The following TMEM132D variants were observed in gnomAD, a reference collection of about 807,000 sequenced individuals.
TMEM132D encodes mature OL transmembrane protein.
Under a neutral mutation model 62.3 loss-of-function variants are expected in TMEM132D, and 21 were observed. The observed-to-expected ratio is 0.34, with a 90% CI of 0.24 to 0.49. TMEM132D has a LOEUF of 0.49. TMEM132D is among the 20% of genes least tolerant of loss of function. The pLI is 0.99. For synonymous variants in TMEM132D, 621 were observed against 575.6 expected (o/e 1.08, Z -1.13); for missense variants, 1,346 against 1,402.8 (o/e 0.96, Z 0.65).
At chr12:129,825,694 G>T (rs946324653) in intron 1 of TMEM132D, among the ~76,000 whole-genome samples, 1 of 152,138 alleles carries the variant, frequency 6.6e-6, no homozygotes, top group Non-Finnish European at 1.5e-5. Flanking sequence ...GTATGGGGTG[G>T]ACTGTGCCCT....
chr12:129,692,723 T>G (rs184728727), intron 2 of TMEM132D, among the ~76,000 whole-genome samples: 33 of 152,238 alleles, frequency 2.2e-4, no homozygotes, highest in Non-Finnish European at 4.1e-4. Flanking sequence ...TGGAAGCCAT[T>G]ATCCTTAGCA....
intron 1 of TMEM132D, among the ~76,000 whole-genome samples, chr12:129,780,109 G>A (rs1029383767): frequency 1.3e-5 from 2 of 152,126 alleles, no homozygotes; most frequent in African/African-American, 2.4e-5. Context: ...ACACCCACCC[G>A]CAAAGGGGCA....
At chr12:129,693,592 G>GC (rs367612308) in intron 2 of TMEM132D, among the ~76,000 whole-genome samples, 1 of 152,108 alleles carries the variant, frequency 6.6e-6, no homozygotes, top group African/African-American at 2.4e-5. Flanking sequence ...GGGATAGGTG[G>GC]CCGAGGAAAC....
intron 1 of TMEM132D, among the ~76,000 whole-genome samples, chr12:129,800,366 C>T (rs975178455): frequency 6.8e-6 from 1 of 147,828 alleles, no homozygotes; most frequent in African/African-American, 2.5e-5. Context: ...AGGGTTAAAG[C>T]AGCAAAGGAA....
At chr12:129,719,104 A>AAAG (rs1292419895) in intron 1 of TMEM132D, among the ~76,000 whole-genome samples, 2 of 103,716 alleles carry the variant, frequency 1.9e-5, no homozygotes, top group African/African-American at 6.5e-5. Flanking sequence ...AAAAAAGAAA[A>AAAG]AAAGCTGGGT....
intron 4 of TMEM132D, among the ~76,000 whole-genome samples, chr12:129,333,416 C>CA (rs1426186404): frequency 6.6e-6 from 1 of 152,124 alleles, no homozygotes; most frequent in Non-Finnish European, 1.5e-5. Flanking sequence ...TATTTTATAA[C>CA]AAAAAAGCTC....
At chr12:129,580,444 G>A (rs137973923) in intron 2 of TMEM132D, among the ~76,000 whole-genome samples, 2 of 152,152 alleles carry the variant, frequency 1.3e-5, no homozygotes, top group Admixed American at 6.5e-5. Context: ...GTTGGAGGAA[G>A]GTTTGGTGGA....
chr12:129,553,219 C>T (rs764354314), intron 2 of TMEM132D, among the ~76,000 whole-genome samples: 2 of 152,094 alleles, frequency 1.3e-5, no homozygotes, highest in South Asian at 2.1e-4. Flanking sequence ...ACTGCTGCCC[C>T]GATGCCCAGC....
intron 2 of TMEM132D, among the ~76,000 whole-genome samples, chr12:129,676,434 G>A (rs1299010645): frequency 1.3e-5 from 2 of 152,160 alleles, no homozygotes; most frequent in Non-Finnish European, 2.9e-5. Flanking sequence ...ACCTGACACT[G>A]GGTAGTTTAT....
At chr12:129,797,226 T>C (rs1565988681) in intron 1 of TMEM132D, among the ~76,000 whole-genome samples, 1 of 152,172 alleles carries the variant, frequency 6.6e-6, no homozygotes, top group Non-Finnish European at 1.5e-5. Context: ...TTTCAGGGTC[T>C]TTCACTTGCC....
intron 3 of TMEM132D, among the ~76,000 whole-genome samples, chr12:129,354,999 A>C (rs997442): frequency 0.19 from 28,468 of 152,186 alleles, 2,951 homozygotes; most frequent in East Asian, 0.37. Flanking sequence ...GAATGCTTCA[A>C]ATAAATTCTG....
At chr12:129,663,645 A>G (rs1880301854) in intron 2 of TMEM132D, among the ~76,000 whole-genome samples, 1 of 152,216 alleles carries the variant, frequency 6.6e-6, no homozygotes, top group Admixed American at 6.5e-5. Flanking sequence ...AGGGAAATGG[A>G]TGTTGGGAAC....
intron 2 of TMEM132D, among the ~76,000 whole-genome samples, chr12:129,610,101 C>G (rs1202938778): frequency 6.6e-6 from 1 of 152,102 alleles, no homozygotes; most frequent in Non-Finnish European, 1.5e-5. Flanking sequence ...GAAACCACGT[C>G]TCTACTAAAA....
At position 129,456,780 on chromosome 12, in the gene TMEM132D, C is replaced by T. The variant is rs529667215; in HGVS notation, c.1115+74279G>A. Reference sequence around the variant, plus strand: ...TCTCTCCTCTACGAGCTGCATCTCTCGGGTTCCTGGTTTTGTGTTTCTGGT... The same window carrying T: ...TCTCTCCTCTACGAGCTGCATCTCTTGGGTTCCTGGTTTTGTGTTTCTGGT... On this transcript the variant is annotated intron_variant, in intron 3 of 8. Transcript: ENST00000422113. 2.0e-5 allele frequency among the ~76,000 whole-genome samples: 3 copies of T among 152,288 alleles called. No individual in the cohort carries two copies. The South Asian group carries it at 6.2e-4, about 32-fold the overall frequency.
At chr12:129,690,369 TG>T (rs1332898117) in intron 2 of TMEM132D, among the ~76,000 whole-genome samples, 2 of 152,092 alleles carry the variant, frequency 1.3e-5, no homozygotes, top group Admixed American at 6.5e-5. Context: ...CATTTAAATG[TG>T]AACAGACTAA....
intron 2 of TMEM132D, among the ~76,000 whole-genome samples, chr12:129,612,796 G>A (rs1878811627): frequency 6.6e-6 from 1 of 152,124 alleles, no homozygotes; most frequent in Non-Finnish European, 1.5e-5. Context: ...CTTTTTGGAA[G>A]GCAGAGGTTG....
At chr12:129,415,617 C>T (rs1332970298) in intron 3 of TMEM132D, among the ~76,000 whole-genome samples, 1 of 152,204 alleles carries the variant, frequency 6.6e-6, no homozygotes, top group African/African-American at 2.4e-5. Context: ...GCTTTTCTTT[C>T]TCAGCAGAGT....
chr12:129,552,879 C>T (rs180872426), intron 2 of TMEM132D, among the ~76,000 whole-genome samples: 4 of 152,132 alleles, frequency 2.6e-5, no homozygotes, highest in Non-Finnish European at 4.4e-5. Flanking sequence ...ATCTATTTAT[C>T]GATCAGTCAT....
intron 3 of TMEM132D, among the ~76,000 whole-genome samples, chr12:129,483,735 A>T (rs1874496293): frequency 2.6e-5 from 4 of 152,140 alleles, no homozygotes; most frequent in Admixed American, 1.3e-4. Flanking sequence ...TGGTGACGCA[A>T]ATGTCAGCAC....
Sources: gnomAD v4.1 joint callset for allele counts (sites outside exome capture counted in the v4.1 genomes callset) on GRCh38, gnomAD v4.1.1 for gene constraint, MANE v1.5 for transcripts, NCBI Gene and HGNC (gene_info 2026-07-23, HGNC 2026-07-21) for gene names.